Variants in MTFMT observed in about 807,000 individuals in gnomAD.
MTFMT encodes mitochondrial methionyl-tRNA formyltransferase.
Under a neutral mutation model 51.8 loss-of-function variants are expected in MTFMT, and 47 were observed. The observed-to-expected ratio is 0.91, with a 90% CI of 0.72 to 1.16. The LOEUF (loss-of-function observed/expected upper bound fraction) is 1.16. Ranked by LOEUF, MTFMT falls within the 50% of genes most tolerant of loss-of-function variation. The pLI is 0.00. For missense variants in MTFMT, 512 were observed against 482.3 expected (o/e 1.06, Z -0.58); for synonymous variants, 196 against 176.7 (o/e 1.11, Z -0.87).
In MTFMT at chr15:65,028,022, A is replaced by C. The variant is rs998518244; in HGVS notation, c.210-982T>G. 7.9e-5 allele frequency among the ~76,000 whole-genome samples: 12 copies of C among 152,330 alleles called. No individual in the cohort carries two copies. In the East Asian group the frequency reaches 2.3e-3, roughly 29 times the overall value. ...AGTACCCAGGGGGGTACATTTATTA[A>C]ACAGGTATTGTATGTACACGTTGAG... On this transcript the variant is annotated intron_variant, in intron 1 of 8. Transcript: ENST00000220058.
Position 65,003,134 on chromosome 15 carries a change from T to A in MTFMT, c.1098A>T (p.Arg366Ser). ...TTGTTGGAAGTCTGAGAGTCTGAAA[T>A]CTGCATTGGCTTGGTTGAGCTTGGG... ...KNSQAQPSQC[R>S]FQTLRLPTKK... is the part of the protein sequence containing the mutation. The change falls in exon 9 of 9, where the codon AGA becomes AGT. Residue 366 changes from arginine to serine, a missense_variant. Coordinates refer to ENST00000220058, the MANE Select transcript of MTFMT (RefSeq NM_139242.4). The A allele has an allele frequency of 6.2e-7, 1 of 1,613,360 alleles. No homozygotes were observed. Among genetic ancestry groups the A allele is most frequent in the Non-Finnish European group, 8.5e-7 (1 of 1,179,624 alleles).
chr15:65,020,414 A>G, intron 4 of MTFMT, 142 bp from the exon 5 acceptor site: 1 of 717,216 alleles, frequency 1.4e-6, no homozygotes, highest in Non-Finnish European at 2.3e-6. Context: ...AATCTTTACT[A>G]TTGGCTCTTC....
chr15:65,025,253 GAGTT>G (rs950867166), intron 2 of MTFMT, among the ~76,000 whole-genome samples: 2 of 116,260 alleles, frequency 1.7e-5, no homozygotes, highest in Non-Finnish European at 3.7e-5. Flanking sequence ...AAAAAAAAAA[GAGTT>G]AGCTGGGTGT....
chr15:65,027,130 T>A, intron 1 of MTFMT, 90 bp from the exon 2 acceptor site: 1 of 909,628 alleles, frequency 1.1e-6, no homozygotes, highest in Non-Finnish European at 1.7e-6. Flanking sequence ...TGTTTATGAT[T>A]AATCTCATGA....
chr15:65,019,630 G>T (rs1017579140), intron 5 of MTFMT, among the ~76,000 whole-genome samples: 4 of 151,658 alleles, frequency 2.6e-5, no homozygotes, highest in African/African-American at 9.7e-5. Flanking sequence ...ATGACATAGA[G>T]AGAGGAAAAA....
chr15:65,023,993 A>G (rs190064749), intron 2 of MTFMT, among the ~76,000 whole-genome samples, 199 bp from the exon 3 acceptor site: 74 of 152,328 alleles, frequency 4.9e-4, no homozygotes, highest in South Asian at 1.5e-3. Context: ...AACCAATGAC[A>G]TTTAATTAAA....
intron 3 of MTFMT, among the ~76,000 whole-genome samples, chr15:65,021,975 T>C (rs2086377455): frequency 6.6e-6 from 1 of 152,338 alleles, no homozygotes; most frequent in Non-Finnish European, 1.5e-5. Context: ...TACAGTTGCA[T>C]ATCAGGAATT....
intron 2 of MTFMT, among the ~76,000 whole-genome samples, chr15:65,025,485 A>T (rs1454990123): frequency 1.3e-5 from 2 of 152,186 alleles, no homozygotes; most frequent in Non-Finnish European, 2.9e-5. Flanking sequence ...CAAGGACAGA[A>T]GTAGGGACCA....
intron 2 of MTFMT, among the ~76,000 whole-genome samples, chr15:65,025,855 G>A (rs553911420): frequency 1.4e-4 from 21 of 152,280 alleles, no homozygotes; most frequent in African/African-American, 4.3e-4. Context: ...GAATTTAAAT[G>A]AAGGTGGATG....
chr15:65,005,413 G>A (rs1448417135), intron 7 of MTFMT, among the ~76,000 whole-genome samples: 1 of 152,122 alleles, frequency 6.6e-6, no homozygotes, highest in Non-Finnish European at 1.5e-5. Flanking sequence ...GCCTCAGAAT[G>A]GACTTGTGGC....
At position 65,002,497 on chromosome 15, in the gene MTFMT, T is replaced by C. The variant is rs2086184187; in HGVS notation, c.*565A>G. On this transcript the variant is annotated 3_prime_UTR_variant, in exon 9 of 9. Coordinates refer to ENST00000220058, the MANE Select transcript of MTFMT (RefSeq NM_139242.4). ...GGTTGCCCTTGTTCTTAAGGAAAGA[T>C]AATCTCCTTGAGTTTCGTATCATAA... 1 of 152,202 alleles carries C rather than the reference T, an allele frequency of 6.6e-6. No homozygotes were observed. The allele number at this position is 152,202 out of a possible 1,614,324, so 9.4% of individuals were successfully genotyped here.
intron 5 of MTFMT, among the ~76,000 whole-genome samples, chr15:65,018,407 G>C (rs190730104): frequency 6.6e-6 from 1 of 151,992 alleles, no homozygotes; most frequent in African/African-American, 2.4e-5. Flanking sequence ...AAATAAATAG[G>C]TTAATATTTA....
chr15:65,005,796 C>A (rs897335021), intron 7 of MTFMT, among the ~76,000 whole-genome samples: 1 of 151,988 alleles, frequency 6.6e-6, no homozygotes, highest in Non-Finnish European at 1.5e-5. Context: ...TTAGTAGAGA[C>A]GGGGCTTCAC....
chr15:65,004,963 T>C, intron 7 of MTFMT, 27 bp from the exon 8 acceptor site: 1 of 1,546,540 alleles, frequency 6.5e-7, no homozygotes, highest in Non-Finnish European at 8.9e-7. Context: ...AGAAAAGATA[T>C]ACAAGAGAAA....
At chr15:65,012,599 C>T (rs2086279430) in intron 6 of MTFMT, among the ~76,000 whole-genome samples, 1 of 152,026 alleles carries the variant, frequency 6.6e-6, no homozygotes, top group Admixed American at 6.6e-5. Context: ...GAGGTTTCAC[C>T]ATGTTGGCCA....
At chr15:65,007,149 C>T (rs532451434) in intron 6 of MTFMT, among the ~76,000 whole-genome samples, 71 of 152,328 alleles carry the variant, frequency 4.7e-4, no homozygotes, top group African/African-American at 1.6e-3. Context: ...TGTGTGGTGG[C>T]CTGGTATTCA....
chr15:65,011,153 C>T (rs186476626), intron 6 of MTFMT, among the ~76,000 whole-genome samples: 70 of 152,156 alleles, frequency 4.6e-4, no homozygotes, highest in African/African-American at 1.6e-3. Flanking sequence ...GAAACCCCGT[C>T]TCTACTAAAA....
At chr15:65,029,251 C>T in intron 1 of MTFMT, 154 bp downstream of exon 1, 1 of 984,702 alleles carries the variant, frequency 1.0e-6, no homozygotes, top group Non-Finnish European at 1.2e-6. Context: ...GAATGGCGCA[C>T]CTTCTGGGAG....
intron 1 of MTFMT, among the ~76,000 whole-genome samples, chr15:65,028,597 G>C (rs1323187823): frequency 6.6e-6 from 1 of 152,012 alleles, no homozygotes; most frequent in Non-Finnish European, 1.5e-5. Context: ...ATACATGAGG[G>C]GCTGCTGTGA....
Sources: gnomAD v4.1 joint callset for allele counts (sites outside exome capture counted in the v4.1 genomes callset) on GRCh38, gnomAD v4.1.1 for gene constraint, MANE v1.5 for transcripts, NCBI Gene and HGNC (gene_info 2026-07-23, HGNC 2026-07-21) for gene names.